THTPA: variants seen among roughly 807,000 people sequenced by gnomAD.
The protein encoded by THTPA is thiamine triphosphatase, also known as thiamine-triphosphatase.
Under a neutral mutation model 16.5 loss-of-function variants are expected in THTPA, and 16 were observed. The ratio of observed to expected loss-of-function variants is 0.97; its 90% CI spans 0.66 to 1.47. The LOEUF is 1.47. THTPA is among the 40% of genes most tolerant of loss of function. THTPA has a pLI of 0.00. For synonymous variants in THTPA, 110 were observed against 115.5 expected (o/e 0.95, Z 0.30); for missense variants, 281 against 280.9 (o/e 1.00, Z 0.00).
At chr14:23,520,483 G>C in the THTPA span, among the ~76,000 whole-genome samples, 1 of 152,172 alleles carries the variant, frequency 6.6e-6, no homozygotes, top group African/African-American at 2.4e-5. This position sits in a 1 kb window ranked among gnomAD's most constrained non-coding sequence, Gnocchi z 8.7. Flanking sequence ...AGATTCAGAA[G>C]TTAAATACCC....
At chr14:23,544,707 GT>G in the THTPA span, among the ~76,000 whole-genome samples, 1 of 152,118 alleles carries the variant, frequency 6.6e-6, no homozygotes, top group African/African-American at 2.4e-5. Flanking sequence ...GTGTGATCTC[GT>G]TACACTCTCG....
At chr14:23,518,832 A>G in the THTPA span, among the ~76,000 whole-genome samples, 1 of 152,222 alleles carries the variant, frequency 6.6e-6, no homozygotes, top group African/African-American at 2.4e-5. This position sits in a 1 kb window ranked among gnomAD's most constrained non-coding sequence, Gnocchi z 4.5. Context: ...GATTCTGCAA[A>G]GGATTGTGCT....
the THTPA span, chr14:23,535,382 G>C: frequency 7.0e-7 from 1 of 1,432,288 alleles, no homozygotes; most frequent in Non-Finnish European, 9.1e-7. This position sits in a 1 kb window ranked among gnomAD's most constrained non-coding sequence, Gnocchi z 4.5. Context: ...ACCCTGTAGG[G>C]AGACAAGGAG....
the THTPA span, chr14:23,533,978 A>C: frequency 6.5e-7 from 1 of 1,537,606 alleles, no homozygotes; most frequent in African/African-American, 1.4e-5. The surrounding 1 kb of genome is among the most constrained non-coding windows in gnomAD (Gnocchi z 4.8). Context: ...AGTGTCTTGC[A>C]GGAGTTGCGT....
chr14:23,558,202 C>T (rs1777027153), intron 1 of THTPA, among the ~76,000 whole-genome samples: 1 of 152,258 alleles, frequency 6.6e-6, no homozygotes, highest in Non-Finnish European at 1.5e-5. Context: ...TCCATTCTCA[C>T]CTCACCATGT....
chr14:23,557,435 C>G, intron 1 of THTPA, 131 bp downstream of exon 1: 1 of 1,017,146 alleles, frequency 9.8e-7, no homozygotes, highest in Non-Finnish European at 1.4e-6. Flanking sequence ...AAGGTTTTGC[C>G]GTGTTGCCCA....
chr14:23,548,947 TC>T, the THTPA span, among the ~76,000 whole-genome samples: 1 of 152,136 alleles, frequency 6.6e-6, no homozygotes. Flanking sequence ...TCTCCTCTTT[TC>T]CTCCTACCAA....
At chr14:23,534,973 G>A in the THTPA span, 1 of 1,536,184 alleles carries the variant, frequency 6.5e-7, no homozygotes, top group Non-Finnish European at 8.7e-7. The surrounding 1 kb of genome is among the most constrained non-coding windows in gnomAD (Gnocchi z 4.5). Flanking sequence ...CTCACCTCCA[G>A]CTGTGAAGAA....
At chr14:23,552,014 A>T (rs1164916014), upstream of THTPA, among the ~76,000 whole-genome samples, 2 of 151,944 alleles carry the variant, frequency 1.3e-5, no homozygotes, top group African/African-American at 4.8e-5. Flanking sequence ...GAAACCATAC[A>T]TGTGTTTTGT....
chr14:23,532,526 C>G, the THTPA span: 2 of 1,427,856 alleles, frequency 1.4e-6, no homozygotes, highest in Non-Finnish European at 9.1e-7. Context: ...TGTCCCCATT[C>G]CCTTCTCCTC....
At chr14:23,519,964 T>C in the THTPA span, among the ~76,000 whole-genome samples, 1 of 152,166 alleles carries the variant, frequency 6.6e-6, no homozygotes, top group African/African-American at 2.4e-5. Context: ...AAAAACTACC[T>C]GGAGGACGAG....
At chr14:23,531,480 C>A in the THTPA span, 1 of 1,401,298 alleles carries the variant, frequency 7.1e-7, no homozygotes, top group South Asian at 1.6e-5. Flanking sequence ...TTCTTCCTCA[C>A]CGGGAGTCCG....
chr14:23,535,082 A>T, the THTPA span: 1 of 1,536,204 alleles, frequency 6.5e-7, no homozygotes, highest in East Asian at 2.4e-5. This position sits in a 1 kb window ranked among gnomAD's most constrained non-coding sequence, Gnocchi z 4.5. Context: ...AAGTGACCAC[A>T]GTCAGGCCCT....
In THTPA at chr14:23,559,702, C is replaced by T. The variant is rs768677525; in HGVS notation, c.*862C>T. The T allele has an allele frequency of 1.8e-5, 29 of 1,595,574 alleles. No individual in the cohort carries two copies. The highest frequency in any genetic ancestry group is 2.2e-5 in the East Asian group (1 of 44,582). ...TGTAGGTTCGAAGCTGCTGGGGCCC[C>T]CTGGGGTTTGGGACACAGGAGAATT... On this transcript the variant is annotated 3_prime_UTR_variant, in exon 2 of 2. Transcript: ENST00000288014.
At chr14:23,520,834 A>G in the THTPA span, 1 of 152,054 alleles carries the variant, frequency 6.6e-6, no homozygotes, top group Non-Finnish European at 1.5e-5. The surrounding 1 kb of genome is among the most constrained non-coding windows in gnomAD (Gnocchi z 8.7). Context: ...GGAGTGACAC[A>G]AATAGGAAAA....
the THTPA span, chr14:23,527,001 C>T: frequency 2.0e-6 from 3 of 1,478,454 alleles, no homozygotes; most frequent in Non-Finnish European, 2.7e-6. Context: ...CTAGTGGCTT[C>T]ACCACCACCC....
chr14:23,547,664 A>G, the THTPA span, among the ~76,000 whole-genome samples: 2,908 of 151,890 alleles, frequency 0.019, 46 homozygotes, highest in Non-Finnish European at 0.029. Context: ...CTGGTTAACT[A>G]CCCTCCAGCC....
chr14:23,519,428 A>G, the THTPA span, among the ~76,000 whole-genome samples: 2 of 152,198 alleles, frequency 1.3e-5, no homozygotes, highest in South Asian at 2.1e-4. Context: ...ATAGTTTTAT[A>G]TATAGAATTT....
the THTPA span, chr14:23,522,282 T>C: frequency 1.3e-5 from 19 of 1,499,766 alleles, no homozygotes; most frequent in East Asian, 4.4e-4. Context: ...TGGTGGGCAG[T>C]AGCCGGGGCC....
Sources: allele counts gnomAD v4.1 joint callset (sites outside exome capture counted in the v4.1 genomes callset), GRCh38; gene constraint gnomAD v4.1.1; non-coding constraint Gnocchi (gnomAD v3.1); transcripts MANE v1.5; gene names NCBI Gene and HGNC (gene_info 2026-07-23, HGNC 2026-07-21).